NPAS3: variants seen among roughly 807,000 people sequenced by gnomAD.
NPAS3 encodes the protein neuronal PAS domain protein 3, also known as neuronal PAS domain-containing protein 3.
Under a neutral mutation model 73.1 loss-of-function variants are expected in NPAS3, and 14 were observed. That is an observed-to-expected ratio of 0.19 (90% CI 0.13 to 0.30). The LOEUF is 0.30. NPAS3 is among the 10% of genes least tolerant of loss of function. The pLI, the probability that NPAS3 is intolerant of heterozygous loss-of-function variation, is 1.00. For synonymous variants in NPAS3, 620 were observed against 541.5 expected, an observed-to-expected ratio of 1.14 and a Z score of -2.01; for missense variants, 1,096 against 1,250.0, an observed-to-expected ratio of 0.88 and a Z score of 1.86.
chr14:33,180,462 T>A (rs989566685), intron 2 of NPAS3, among the ~76,000 whole-genome samples: 2 of 152,152 alleles, frequency 1.3e-5, no homozygotes, highest in Non-Finnish European at 2.9e-5. Context: ...AAAGCACATG[T>A]TCTTAATGTT....
At chr14:32,976,922 A>C (rs1276520906) in intron 1 of NPAS3, among the ~76,000 whole-genome samples, 1 of 152,138 alleles carries the variant, frequency 6.6e-6, no homozygotes, top group Non-Finnish European at 1.5e-5. Context: ...CAGTGGCCCA[A>C]AAGTGGATAT....
rs1007181922 is a variant in NPAS3 at position 33,495,191 on chromosome 14, G to A, written c.469-64930G>A. 3.9e-5 allele frequency among the ~76,000 whole-genome samples: 6 copies of A among 152,096 alleles called. No individual in the cohort carries two copies. In the East Asian group the frequency reaches 1.2e-3, roughly 30 times the overall value. On this transcript the variant is annotated intron_variant, in intron 4 of 11. Transcript: ENST00000356141. ...GTACATTGTGTCTTTGTTCTCACTG[G>A]TTTCAAAGAACTTCTTTATTTCTGC...
At chr14:33,696,982 C>A (rs1301701101) in intron 6 of NPAS3, among the ~76,000 whole-genome samples, 1 of 152,158 alleles carries the variant, frequency 6.6e-6, no homozygotes, top group Non-Finnish European at 1.5e-5. Flanking sequence ...ACTACCAGTT[C>A]ATGTTTCTTT....
intron 3 of NPAS3, among the ~76,000 whole-genome samples, chr14:33,325,085 T>G (rs2043632351): frequency 1.3e-5 from 2 of 152,184 alleles, no homozygotes; most frequent in Non-Finnish European, 2.9e-5. Flanking sequence ...TTCAACTATA[T>G]ACTGGTATGT....
intron 5 of NPAS3, among the ~76,000 whole-genome samples, chr14:33,651,064 C>T (rs1469714804): frequency 6.6e-6 from 1 of 152,234 alleles, no homozygotes; most frequent in Non-Finnish European, 1.5e-5. Context: ...CGGTCATCCC[C>T]TCTTCTTCTA....
At chr14:33,479,138 C>T (rs150380392) in intron 4 of NPAS3, among the ~76,000 whole-genome samples, 315 of 152,238 alleles carry the variant, frequency 2.1e-3, no homozygotes, top group Admixed American at 2.2e-3. Context: ...TAAACCAATG[C>T]GCTTTAATAT....
At chr14:33,192,519 C>G (rs1401147852) in intron 2 of NPAS3, among the ~76,000 whole-genome samples, 1 of 152,154 alleles carries the variant, frequency 6.6e-6, no homozygotes, top group Non-Finnish European at 1.5e-5. Flanking sequence ...TGGCTGAACA[C>G]CAGCTTGGCC....
intron 5 of NPAS3, among the ~76,000 whole-genome samples, chr14:33,655,374 T>C (rs1352763409): frequency 6.6e-6 from 1 of 151,422 alleles, no homozygotes; most frequent in Non-Finnish European, 1.5e-5. Context: ...GTGAACTCTT[T>C]TGCTTTTCCC....
chr14:33,121,284 G>A (rs147776220), intron 2 of NPAS3, among the ~76,000 whole-genome samples: 100 of 152,190 alleles, frequency 6.6e-4, no homozygotes, highest in African/African-American at 2.3e-3. Context: ...CATACTTGAC[G>A]AACCAGTTCC....
chr14:32,938,088 C>A (rs1387538865), upstream of NPAS3, among the ~76,000 whole-genome samples: 1 of 152,046 alleles, frequency 6.6e-6, no homozygotes, highest in Non-Finnish European at 1.5e-5. Flanking sequence ...TTTAAACGCG[C>A]GGGGATTCAC....
intron 4 of NPAS3, among the ~76,000 whole-genome samples, chr14:33,403,646 C>G (rs1288738216): frequency 6.6e-6 from 1 of 152,000 alleles, no homozygotes; most frequent in Non-Finnish European, 1.5e-5. Flanking sequence ...TATAAATGGA[C>G]AGTGACATCA....
intron 3 of NPAS3, among the ~76,000 whole-genome samples, chr14:33,306,842 G>A (rs751624910): frequency 1.3e-4 from 20 of 152,196 alleles, no homozygotes; most frequent in Admixed American, 6.5e-4. Flanking sequence ...AACTGACACC[G>A]TAAAAATGCA....
intron 1 of NPAS3, among the ~76,000 whole-genome samples, chr14:33,038,552 TA>T (rs1016120343): frequency 6.6e-6 from 1 of 151,738 alleles, no homozygotes; most frequent in Non-Finnish European, 1.5e-5. Context: ...TATATATATA[TA>T]AAATGATATA....
chr14:33,640,172 G>A (rs1306276086), intron 5 of NPAS3, among the ~76,000 whole-genome samples: 6 of 151,408 alleles, frequency 4.0e-5, no homozygotes, highest in African/African-American at 7.3e-5. Context: ...AGCCGAGATC[G>A]CGACAGCGAG....
chr14:33,173,396 A>G (rs2045467341), intron 2 of NPAS3, among the ~76,000 whole-genome samples: 1 of 152,214 alleles, frequency 6.6e-6, no homozygotes, highest in Non-Finnish European at 1.5e-5. Context: ...GCTGGAAAAT[A>G]TCAATGGTAT....
chr14:33,163,258 G>C (rs1481172923), intron 2 of NPAS3, among the ~76,000 whole-genome samples: 2 of 152,216 alleles, frequency 1.3e-5, no homozygotes. Flanking sequence ...ACGACCCTCT[G>C]AGTAGATGGA....
intron 5 of NPAS3, among the ~76,000 whole-genome samples, chr14:33,673,553 A>AGC (rs1447016152): frequency 6.6e-6 from 1 of 152,258 alleles, no homozygotes; most frequent in South Asian, 2.1e-4. Context: ...AAACAGCAAC[A>AGC]ACAACAAGAC....
At position 33,043,696 on chromosome 14, in the gene NPAS3, A is replaced by G. The variant is rs1165869724; in HGVS notation, c.51-12209A>G. ...ACTCTTACTGCAGTTTGAGGTGGGAACAAAGACTTACACAGCACAGGATTG... is the reference window on the plus strand; with the variant it reads ...ACTCTTACTGCAGTTTGAGGTGGGAGCAAAGACTTACACAGCACAGGATTG... On this transcript the variant is annotated intron_variant, in intron 1 of 11. Transcript: ENST00000356141. 3.3e-5 allele frequency among the ~76,000 whole-genome samples: 5 copies of G among 152,196 alleles called. No individual in the cohort carries two copies. In the East Asian group the frequency reaches 7.7e-4, roughly 23 times the overall value.
At chr14:33,658,565 A>G (rs1248117449) in intron 5 of NPAS3, among the ~76,000 whole-genome samples, 1 of 152,218 alleles carries the variant, frequency 6.6e-6, no homozygotes, top group East Asian at 1.9e-4. Context: ...ACACACCAGT[A>G]TAGAGCTGCT....
Sources: allele counts gnomAD v4.1 joint callset (sites outside exome capture counted in the v4.1 genomes callset), GRCh38; gene constraint gnomAD v4.1.1; transcripts MANE v1.5; gene names NCBI Gene and HGNC (gene_info 2026-07-23, HGNC 2026-07-21).